The following DIS3L2 variants were observed in gnomAD, a reference collection of about 807,000 sequenced individuals.
The protein encoded by DIS3L2 is DIS3 like 3'-5' exoribonuclease 2, also known as DIS3-like exonuclease 2.
DIS3L2 carries 34 observed loss-of-function variants against 97.5 expected under a neutral mutation model. The observed-to-expected ratio is 0.35, with a 90% CI of 0.27 to 0.46. DIS3L2 has a LOEUF of 0.46. DIS3L2 is among the 20% of genes least tolerant of loss of function. DIS3L2 has a pLI of 1.00. For synonymous variants in DIS3L2, 435 were observed against 445.2 expected (o/e 0.98, Z 0.29); for missense variants, 1,038 against 1,146.0 (o/e 0.91, Z 1.36).
At chr2:232,119,175 A>G (rs1174635686) in intron 6 of DIS3L2, among the ~76,000 whole-genome samples, 2 of 152,300 alleles carry the variant, frequency 1.3e-5, no homozygotes, top group East Asian at 1.9e-4. Flanking sequence ...TATGATATGT[A>G]TTTCATATAT....
chr2:232,299,483 C>T (rs1694803604), intron 13 of DIS3L2, among the ~76,000 whole-genome samples: 1 of 152,224 alleles, frequency 6.6e-6, no homozygotes, highest in South Asian at 2.1e-4. Flanking sequence ...GCTCCTGCCC[C>T]AGGGCTTCTG....
chr2:232,335,405 G>GCT (rs1307613041), intron 19 of DIS3L2: 1 of 259,984 alleles, frequency 3.8e-6, no homozygotes, highest in Non-Finnish European at 7.5e-6. Context: ...TTCAAGCCTA[G>GCT]CTCACCCTGC....
At chr2:232,342,873 G>T (rs4973522) in intron 13 of DIS3L2, among the ~76,000 whole-genome samples, 1,830 of 152,322 alleles carry the variant, frequency 0.012, 75 homozygotes, top group East Asian at 0.067. Flanking sequence ...CCTGGGGAAG[G>T]GCTGCACGGT....
At chr2:231,971,811 G>T (rs1692923468) in intron 1 of DIS3L2, among the ~76,000 whole-genome samples, 1 of 150,462 alleles carries the variant, frequency 6.6e-6, no homozygotes, top group Non-Finnish European at 1.5e-5. Context: ...TCAAACTCCA[G>T]ACCTCGTGAT....
intron 12 of DIS3L2, among the ~76,000 whole-genome samples, chr2:232,250,645 G>A (rs1006415324): frequency 1.3e-5 from 2 of 152,176 alleles, no homozygotes; most frequent in Non-Finnish European, 2.9e-5. Flanking sequence ...ATAACTTAGT[G>A]GAAGATCAGA....
At chr2:232,207,167 C>T (rs1692049648) in intron 9 of DIS3L2, among the ~76,000 whole-genome samples, 1 of 152,112 alleles carries the variant, frequency 6.6e-6, no homozygotes, top group South Asian at 2.1e-4. Flanking sequence ...TTCCTACTAC[C>T]ATGTCTGACT....
At chr2:232,337,443 A>AG (rs1184320914), downstream of DIS3L2, among the ~76,000 whole-genome samples, 1 of 151,712 alleles carries the variant, frequency 6.6e-6, no homozygotes, top group Non-Finnish European at 1.5e-5. Context: ...GGCCTGGGGG[A>AG]GGGGAGGAGG....
In DIS3L2 at chr2:232,275,670, T is replaced by G. The variant is rs1020024114; in HGVS notation, c.1659+12230T>G. On this transcript the variant is annotated intron_variant, in intron 13 of 20. Transcript: ENST00000325385. The stretch of plus-strand genomic sequence containing the variant: ...TAAGAGCTTTAAATTATTTTAATTT[T>G]ATAACTTTAAAATATTCCTTTTGAT... Among the ~76,000 whole-genome samples the G allele has an allele frequency of 6.6e-5, 10 of 152,382 alleles. No individual in the cohort carries two copies. In the East Asian group the frequency reaches 1.9e-3, roughly 29 times the overall value.
Position 232,136,979 on chromosome 2 carries a change from T to C in DIS3L2, c.950+260T>C, listed in dbSNP as rs529740833. 2.2e-4 allele frequency among the ~76,000 whole-genome samples: 34 copies of C among 152,262 alleles called. No homozygotes were observed. The South Asian group carries it at 7.1e-3, about 32-fold the overall frequency. On this transcript the variant is annotated intron_variant, in intron 8 of 20. Transcript: ENST00000325385. ...CATGAACATTCCGAGCCTCTACTTA[T>C]TTAGTTATGTCATGTGTCCTATTTG...
intron 8 of DIS3L2, among the ~76,000 whole-genome samples, chr2:232,162,193 C>CTTTTTGATGTGT: frequency 6.6e-6 from 1 of 152,184 alleles, no homozygotes; most frequent in Admixed American, 6.5e-5. Flanking sequence ...TGCTGTCTGG[C>CTTTTTGATGTGT]TTTTTGATGT....
intron 14 of DIS3L2, among the ~76,000 whole-genome samples, chr2:232,316,624 G>A (rs1445452133): frequency 6.6e-6 from 1 of 152,188 alleles, no homozygotes; most frequent in Non-Finnish European, 1.5e-5. Context: ...CTTCCCAGGA[G>A]GCACACTTGG....
chr2:232,338,715 T>G (rs1436148796), downstream of DIS3L2, among the ~76,000 whole-genome samples: 5 of 152,082 alleles, frequency 3.3e-5, no homozygotes, highest in Non-Finnish European at 4.4e-5. Flanking sequence ...TTCACTCCTT[T>G]AAGGAACATG....
At chr2:232,335,361 C>T (rs1325629532) in intron 19 of DIS3L2, 1 of 212,724 alleles carries the variant, frequency 4.7e-6, no homozygotes, top group Admixed American at 5.3e-5. Flanking sequence ...CGACAGAGTC[C>T]CCCTGCGGAC....
chr2:232,032,676 G>T (rs1378529857), intron 5 of DIS3L2, among the ~76,000 whole-genome samples: 1 of 151,244 alleles, frequency 6.6e-6, no homozygotes, highest in South Asian at 2.1e-4. Context: ...GTTAATTTTT[G>T]TATAAGGGGT....
intron 10 of DIS3L2, among the ~76,000 whole-genome samples, chr2:232,228,984 C>T (rs1030628032): frequency 3.3e-5 from 5 of 152,116 alleles, no homozygotes; most frequent in Admixed American, 1.3e-4. Context: ...AAGTGTGTAA[C>T]GGATGAAGGA....
downstream of DIS3L2, among the ~76,000 whole-genome samples, chr2:232,337,410 G>A (rs991724164): frequency 2.0e-4 from 30 of 152,158 alleles, no homozygotes; most frequent in African/African-American, 6.8e-4. Context: ...CACCAAGGGA[G>A]CCTGGACAGA....
intron 1 of DIS3L2, among the ~76,000 whole-genome samples, chr2:231,970,844 TA>T (rs1237588634): frequency 6.6e-6 from 1 of 152,216 alleles, no homozygotes; most frequent in African/African-American, 2.4e-5. Flanking sequence ...ATTCTTATAA[TA>T]ATACTTAGCT....
At chr2:232,227,598 C>T (rs1285436191) in intron 10 of DIS3L2, among the ~76,000 whole-genome samples, 1 of 152,042 alleles carries the variant, frequency 6.6e-6, no homozygotes, top group East Asian at 1.9e-4. Context: ...AAATGGTTTC[C>T]CTTTCATGCA....
intron 11 of DIS3L2, among the ~76,000 whole-genome samples, chr2:232,243,770 CT>C (rs1693171601): frequency 6.6e-6 from 1 of 152,222 alleles, no homozygotes; most frequent in African/African-American, 2.4e-5. Flanking sequence ...GAGAAGTTAG[CT>C]TCCCACTGTT....
Sources: allele counts gnomAD v4.1 joint callset (sites outside exome capture counted in the v4.1 genomes callset), GRCh38; gene constraint gnomAD v4.1.1; transcripts MANE v1.5; gene names NCBI Gene and HGNC (gene_info 2026-07-23, HGNC 2026-07-21).